The following NLGN4X variants were observed in gnomAD, a reference collection of about 807,000 sequenced individuals.
NLGN4X encodes neuroligin 4 X-linked, also known as neuroligin-4, X-linked.
Under a neutral mutation model 40.3 loss-of-function variants are expected in NLGN4X, and 3 were observed. The observed-to-expected ratio is 0.07, with a 90% CI of 0.03 to 0.19. The LOEUF (loss-of-function observed/expected upper bound fraction) is 0.19. Among genes scored for constraint, NLGN4X ranks in the 10% least tolerant of loss-of-function variants. NLGN4X has a pLI of 1.00. For synonymous variants in NLGN4X, 270 were observed against 306.8 expected (o/e 0.88, Z 1.25); for missense variants, 382 against 708.3 (o/e 0.54, Z 5.23).
At chrX:6,189,578 T>C (rs756956953) in intron 1 of NLGN4X, among the ~76,000 whole-genome samples, 1 of 112,137 alleles carries the variant, frequency 8.9e-6, no homozygotes, top group African/African-American at 3.2e-5. Context: ...CTTCTCATGA[T>C]TGTGCACTTT....
At chrX:6,039,898 C>A (rs2037112750) in intron 2 of NLGN4X, among the ~76,000 whole-genome samples, 1 of 111,593 alleles carries the variant, frequency 9.0e-6, no homozygotes, top group South Asian at 3.8e-4. Context: ...AGCAGTGCTG[C>A]GTATGGTTCT....
intron 2 of NLGN4X, among the ~76,000 whole-genome samples, chrX:6,074,655 C>G (rs1388979720): frequency 9.0e-6 from 1 of 111,439 alleles, no homozygotes; most frequent in Non-Finnish European, 1.9e-5. Flanking sequence ...AAACAACTAT[C>G]AAAATTATAC....
At chrX:6,037,974 T>G (rs777645563) in intron 2 of NLGN4X, among the ~76,000 whole-genome samples, 1 of 112,001 alleles carries the variant, frequency 8.9e-6, no homozygotes, top group African/African-American at 3.2e-5. Context: ...TCTACAAATA[T>G]GTGTTGACCC....
intron 3 of NLGN4X, among the ~76,000 whole-genome samples, chrX:5,975,293 T>C (rs2035140702): frequency 1.8e-5 from 2 of 111,405 alleles, no homozygotes; most frequent in East Asian, 2.8e-4. Context: ...CTGGCCAACA[T>C]GGTAAAACCC....
chrX:6,226,063 C>T (rs1278745668), intron 1 of NLGN4X, among the ~76,000 whole-genome samples: 1 of 94,935 alleles, frequency 1.1e-5, no homozygotes, highest in African/African-American at 3.8e-5. Context: ...AGATCGGGAT[C>T]CTCTGTCCTC....
chrX:6,207,886 A>G (rs1039041460), intron 1 of NLGN4X, among the ~76,000 whole-genome samples: 2 of 112,147 alleles, frequency 1.8e-5, no homozygotes, highest in African/African-American at 6.5e-5. Context: ...GTTATACTGC[A>G]TTCTTTGGGG....
chrX:6,036,806 T>C (rs1257991351), intron 2 of NLGN4X, among the ~76,000 whole-genome samples: 2 of 111,605 alleles, frequency 1.8e-5, no homozygotes, highest in Admixed American at 1.9e-4. Flanking sequence ...ATTTAAATAC[T>C]CCAAGCAAAA....
chrX:6,130,075 G>A lies in NLGN4X; in HGVS notation c.472+20920C>T, dbSNP rs781192467. 8.2e-5 allele frequency among the ~76,000 whole-genome samples: 9 copies of A among 109,581 alleles called. No individual in the cohort carries two copies. The East Asian group carries it at 2.6e-3, about 32-fold the overall frequency. ...TAACTTTTTAGTCTTTTTTATAGAG[G>A]TGGAGGTCTCGCTATGTTGCCCAGG... On this transcript the variant is annotated intron_variant, in intron 2 of 5. Transcript: ENST00000381095.
intron 3 of NLGN4X, among the ~76,000 whole-genome samples, chrX:6,021,240 C>T (rs1266729527): frequency 1.8e-5 from 2 of 108,257 alleles, no homozygotes; most frequent in Non-Finnish European, 3.8e-5. Context: ...CTGCACCTAG[C>T]CTTCCCCTGA....
At chrX:6,105,882 G>A (rs1290386787) in intron 2 of NLGN4X, among the ~76,000 whole-genome samples, 1 of 111,670 alleles carries the variant, frequency 9.0e-6, no homozygotes, top group East Asian at 2.8e-4. Context: ...ATGAGGTCCA[G>A]ACTAACACAT....
intron 2 of NLGN4X, among the ~76,000 whole-genome samples, chrX:6,113,732 T>C (rs951438059): frequency 9.1e-6 from 1 of 110,224 alleles, no homozygotes. Context: ...AAATAGCAGA[T>C]GGACTTAAGG....
chrX:6,122,479 C>A (rs1230126842), intron 2 of NLGN4X, among the ~76,000 whole-genome samples: 4 of 110,268 alleles, frequency 3.6e-5, no homozygotes, highest in African/African-American at 1.3e-4. Context: ...GATGATCCAC[C>A]TGCCTCGGCC....
At chrX:6,163,371 T>G (rs747418530) in intron 1 of NLGN4X, among the ~76,000 whole-genome samples, 1 of 112,412 alleles carries the variant, frequency 8.9e-6, no homozygotes, top group South Asian at 3.7e-4. Context: ...TGATAAAATG[T>G]AAAGATACAC....
In NLGN4X at chrX:5,891,025, T is replaced by C. The variant is rs1353946838; in HGVS notation, c.*1792A>G. The C allele has an allele frequency of 4.3e-5, 13 of 302,516 alleles. No homozygotes were observed. The highest frequency in any genetic ancestry group is 5.0e-5 in the Non-Finnish European group (8 of 160,914). The allele number at this position is 302,516 out of a possible 1,213,427, so 24.9% of individuals were successfully genotyped here. A position where few individuals can be genotyped will look rare whatever the true frequency, so the allele number is the denominator to read the frequency against. ...TAACCCACAATGGAGCCGAGGAACA[T>C]GATCTTCAAATATCTTTGGCTACTG... On this transcript the variant is annotated 3_prime_UTR_variant, in exon 6 of 6. Transcript: ENST00000381095.
intron 2 of NLGN4X, among the ~76,000 whole-genome samples, chrX:6,147,718 A>G (rs2040079702): frequency 9.0e-6 from 1 of 110,796 alleles, no homozygotes; most frequent in South Asian, 3.9e-4. Flanking sequence ...GATTCGGTCA[A>G]TCGGTCTCCA....
intron 1 of NLGN4X, among the ~76,000 whole-genome samples, chrX:6,173,061 C>T (rs1316622084): frequency 2.7e-5 from 3 of 112,250 alleles, no homozygotes; most frequent in Admixed American, 9.4e-5. Context: ...AGGACAGATA[C>T]GGAGTCTGGG....
chrX:6,120,139 C>T (rs906499541), intron 2 of NLGN4X, among the ~76,000 whole-genome samples: 1 of 111,008 alleles, frequency 9.0e-6, no homozygotes, highest in Non-Finnish European at 1.9e-5. Flanking sequence ...TGCACCACTG[C>T]GCTCAGCCTG....
At chrX:6,058,482 T>A (rs1002835435) in intron 2 of NLGN4X, among the ~76,000 whole-genome samples, 1 of 112,501 alleles carries the variant, frequency 8.9e-6, no homozygotes, top group African/African-American at 3.2e-5. Context: ...TCTATTGAGA[T>A]CCTTACTTGC....
intron 2 of NLGN4X, among the ~76,000 whole-genome samples, chrX:6,075,705 C>A (rs2038178277): frequency 1.8e-5 from 2 of 110,973 alleles, no homozygotes; most frequent in South Asian, 7.9e-4. Flanking sequence ...CCTCCTTCCC[C>A]CCATTCTCTT....
Sources: allele counts gnomAD v4.1 joint callset (sites outside exome capture counted in the v4.1 genomes callset), GRCh38; gene constraint gnomAD v4.1.1; transcripts MANE v1.5; gene names NCBI Gene and HGNC (gene_info 2026-07-23, HGNC 2026-07-21).